FYN: variants seen among roughly 807,000 people sequenced by gnomAD.
The protein encoded by FYN is tyrosine-protein kinase Fyn.
In FYN, 10 loss-of-function variants were observed where a neutral mutation model predicts 70.2. The ratio of observed to expected loss-of-function variants is 0.14; its 90% CI spans 0.09 to 0.24. The LOEUF is 0.24. Ranked by LOEUF, FYN falls within the 10% of genes least tolerant of loss-of-function variation. The pLI is 1.00. For synonymous variants in FYN, 236 were observed against 248.6 expected (o/e 0.95, Z 0.48); for missense variants, 319 against 673.1 (o/e 0.47, Z 5.82).
chr6:111,728,749 T>C (rs550388792), intron 3 of FYN, among the ~76,000 whole-genome samples: 110 of 152,340 alleles, frequency 7.2e-4, no homozygotes, highest in African/African-American at 2.6e-3. Context: ...ATTCATCAAC[T>C]GATGGACATT....
chr6:111,668,148 C>A (rs886367929), intron 13 of FYN, among the ~76,000 whole-genome samples: 3 of 152,224 alleles, frequency 2.0e-5, no homozygotes, highest in Non-Finnish European at 2.9e-5. Context: ...TCAGCATGAG[C>A]CTGCGCCATC....
intron 1 of FYN, among the ~76,000 whole-genome samples, chr6:111,868,991 T>C (rs1419865893): frequency 2.0e-5 from 3 of 152,194 alleles, no homozygotes; most frequent in Non-Finnish European, 2.9e-5. Flanking sequence ...CAGGACCTCA[T>C]CTCCCCAGTG....
At chr6:111,729,928 CTTTA>C (rs775234094) in intron 3 of FYN, among the ~76,000 whole-genome samples, 27 of 152,210 alleles carry the variant, frequency 1.8e-4, no homozygotes, top group Non-Finnish European at 3.2e-4. Context: ...AATAAATCAC[CTTTA>C]TTTTTCTATA....
intron 1 of FYN, among the ~76,000 whole-genome samples, chr6:111,870,027 T>G (rs541021630): frequency 1.3e-5 from 2 of 152,246 alleles, no homozygotes; most frequent in Non-Finnish European, 2.9e-5. Context: ...GGGCAGTGAA[T>G]GTGCCTTGAT....
intron 10 of FYN, 92 bp downstream of exon 10, chr6:111,696,185 T>C (rs1799566229): frequency 7.0e-6 from 8 of 1,140,602 alleles, no homozygotes; most frequent in Admixed American, 2.8e-5. Flanking sequence ...AGGCAGAAAC[T>C]AGAAAAGTAG....
At chr6:111,800,465 G>A (rs923736765) in intron 2 of FYN, among the ~76,000 whole-genome samples, 1 of 152,004 alleles carries the variant, frequency 6.6e-6, no homozygotes, top group Non-Finnish European at 1.5e-5. Flanking sequence ...CTTGCCGAAG[G>A]GATATTGAAT....
intron 3 of FYN, among the ~76,000 whole-genome samples, chr6:111,756,663 T>G (rs1237854984): frequency 6.6e-6 from 1 of 152,190 alleles, no homozygotes; most frequent in African/African-American, 2.4e-5. Flanking sequence ...TGATTTAACT[T>G]TAAAAAATGG....
intron 2 of FYN, among the ~76,000 whole-genome samples, chr6:111,810,148 T>C (rs928345207): frequency 6.6e-6 from 1 of 152,204 alleles, no homozygotes; most frequent in African/African-American, 2.4e-5. Flanking sequence ...GAGATGCCTA[T>C]GATAAATGAT....
At chr6:111,860,044 C>T (rs146237016) in intron 1 of FYN, among the ~76,000 whole-genome samples, 20 of 152,130 alleles carry the variant, frequency 1.3e-4, no homozygotes, top group African/African-American at 2.2e-4. Flanking sequence ...CAAGGTTTGC[C>T]GGCAGCCACA....
At chr6:111,706,062 A>G (rs1382226231) in intron 6 of FYN, among the ~76,000 whole-genome samples, 1 of 152,184 alleles carries the variant, frequency 6.6e-6, no homozygotes, top group Non-Finnish European at 1.5e-5. Flanking sequence ...ATATTTCAAT[A>G]TATTATCCCT....
intron 3 of FYN, among the ~76,000 whole-genome samples, chr6:111,750,408 G>A (rs72942125): frequency 1.8e-3 from 274 of 152,174 alleles, no homozygotes; most frequent in Middle Eastern, 3.4e-3. Context: ...GCCATGATTG[G>A]AAGCTTCCGG....
chr6:111,795,318 T>C (rs1771769703), intron 2 of FYN, among the ~76,000 whole-genome samples: 1 of 152,104 alleles, frequency 6.6e-6, no homozygotes, highest in Non-Finnish European at 1.5e-5. Context: ...GGAAAGGCCA[T>C]GTAAGGACAA....
chr6:111,770,648 T>C (rs923735565), intron 3 of FYN, among the ~76,000 whole-genome samples: 2 of 152,208 alleles, frequency 1.3e-5, no homozygotes, highest in African/African-American at 4.8e-5. Context: ...GAGGTTTATT[T>C]AGCTCATCAT....
intron 9 of FYN, chr6:111,699,444 A>T: frequency 6.6e-7 from 1 of 1,518,836 alleles, no homozygotes; most frequent in East Asian, 2.3e-5. Flanking sequence ...CTGTGTGTGC[A>T]TTTTTGTTCA....
At chr6:111,810,736 G>A (rs997560174) in intron 2 of FYN, among the ~76,000 whole-genome samples, 6 of 152,090 alleles carry the variant, frequency 3.9e-5, no homozygotes, top group South Asian at 2.1e-4. Context: ...GTGCCTCCCC[G>A]AAAACCCACC....
intron 2 of FYN, among the ~76,000 whole-genome samples, chr6:111,798,606 G>T (rs1771892210): frequency 6.6e-6 from 1 of 152,138 alleles, no homozygotes; most frequent in African/African-American, 2.4e-5. Context: ...AGTCTGGGCT[G>T]GGTAGTAACT....
intron 9 of FYN, 124 bp from the exon 10 acceptor site, chr6:111,696,580 G>T: frequency 1.4e-6 from 1 of 703,986 alleles, no homozygotes; most frequent in Non-Finnish European, 2.1e-6. Flanking sequence ...AGTTTTTGTT[G>T]AACAAAGACA....
At position 111,787,004 on chromosome 6, in the gene FYN, A is replaced by G. The variant is rs528838091; in HGVS notation, c.-81-6369T>C. 1.1e-3 allele frequency among the ~76,000 whole-genome samples: 161 copies of G among 152,080 alleles called. 1 individual carries two copies. The highest frequency in any genetic ancestry group is 1.2e-3 in the Non-Finnish European group (79 of 67,974). On this transcript the variant is annotated intron_variant, in intron 2 of 13. Transcript: ENST00000354650. ...GAGTAGATTGCAAAAATTTTCTCCC[A>G]TTCTGTAGGTTGCCTGTTCGCTCTG... is the stretch of plus-strand genomic sequence containing the variant.
chr6:111,739,980 C>T (rs1484825346), intron 3 of FYN, among the ~76,000 whole-genome samples: 5 of 152,234 alleles, frequency 3.3e-5, no homozygotes, highest in African/African-American at 4.8e-5. Flanking sequence ...CCTGCCACCA[C>T]GCCCAGCTAA....
Sources: allele counts gnomAD v4.1 joint callset (sites outside exome capture counted in the v4.1 genomes callset), GRCh38; gene constraint gnomAD v4.1.1; transcripts MANE v1.5; gene names NCBI Gene and HGNC (gene_info 2026-07-23, HGNC 2026-07-21).